The following PDE7A variants were observed in gnomAD, a reference collection of about 807,000 sequenced individuals.
PDE7A encodes the protein phosphodiesterase 7A.
In PDE7A, 39 loss-of-function variants were observed where a neutral mutation model predicts 64.3. The observed-to-expected ratio is 0.61, with a 90% CI of 0.47 to 0.79. PDE7A has a LOEUF of 0.79. PDE7A is among the 30% of genes least tolerant of loss of function. The pLI, the probability that PDE7A is intolerant of heterozygous loss-of-function variation, is 0.00. For missense variants in PDE7A, 470 were observed against 582.8 expected (o/e 0.81, Z 1.99); for synonymous variants, 203 against 206.8 (o/e 0.98, Z 0.16).
intron 11 of PDE7A, among the ~76,000 whole-genome samples, chr8:65,723,915 T>A (rs1806497179): frequency 6.6e-6 from 1 of 152,130 alleles, no homozygotes; most frequent in Non-Finnish European, 1.5e-5. Context: ...GATCCGGGTT[T>A]TAAATTACAC....
intron 3 of PDE7A, among the ~76,000 whole-genome samples, chr8:65,768,167 G>C (rs1808891100): frequency 6.6e-6 from 1 of 152,138 alleles, no homozygotes; most frequent in Non-Finnish European, 1.5e-5. Flanking sequence ...AGAGCAGAGG[G>C]AAAACACAGT....
Position 65,731,977 on chromosome 8 carries a change from A to G in PDE7A, c.696+2817T>C, listed in dbSNP as rs142929444. Among the ~76,000 whole-genome samples, 169 of 151,642 alleles carry G rather than the reference A, an allele frequency of 1.1e-3. 1 individual carries two copies. Among genetic ancestry groups the G allele is most frequent in the Non-Finnish European group, 2.1e-3 (144 of 67,898 alleles). ...CCTGGTCATTCTCTATATTATTATT[A>G]TTATTATTATTGTTGTTGTTGTTGT... On this transcript the variant is annotated intron_variant, in intron 7 of 12. Coordinates refer to ENST00000401827, the MANE Select transcript of PDE7A (RefSeq NM_001242318.3).
chr8:65,828,364 C>T (rs1298727642), intron 1 of PDE7A, among the ~76,000 whole-genome samples: 7 of 152,068 alleles, frequency 4.6e-5, no homozygotes, highest in Non-Finnish European at 8.8e-5. Flanking sequence ...CATTTTGCAA[C>T]TAGTTTTTTT....
intron 3 of PDE7A, among the ~76,000 whole-genome samples, chr8:65,751,018 G>A (rs12542226): frequency 0.1 from 15,492 of 152,110 alleles, 1,796 homozygotes; most frequent in East Asian, 0.5. Flanking sequence ...TAATGATATA[G>A]GACCACCCTT....
intron 5 of PDE7A, among the ~76,000 whole-genome samples, chr8:65,743,040 T>C (rs1380761173): frequency 6.6e-6 from 1 of 152,214 alleles, no homozygotes; most frequent in African/African-American, 2.4e-5. Flanking sequence ...GAGTATGTAC[T>C]TTTTAAAAAT....
chr8:65,810,212 C>G (rs1334016285), intron 1 of PDE7A, among the ~76,000 whole-genome samples: 2 of 152,074 alleles, frequency 1.3e-5, no homozygotes, highest in Non-Finnish European at 2.9e-5. Context: ...ATGGATGAAG[C>G]TGGAAACCAT....
intron 1 of PDE7A, among the ~76,000 whole-genome samples, chr8:65,802,424 T>G (rs887865631): frequency 3.9e-5 from 6 of 152,230 alleles, no homozygotes; most frequent in East Asian, 3.8e-4. Context: ...CTCTCTAGTC[T>G]GAAATTCATG....
intron 1 of PDE7A, among the ~76,000 whole-genome samples, chr8:65,801,952 T>C (rs1369787289): frequency 6.7e-6 from 1 of 150,006 alleles, no homozygotes; most frequent in Admixed American, 6.6e-5. Flanking sequence ...TATAACACTT[T>C]GTTTAAAATA....
chr8:65,816,280 C>T (rs1337001522), intron 1 of PDE7A, among the ~76,000 whole-genome samples: 1 of 152,080 alleles, frequency 6.6e-6, no homozygotes, highest in Non-Finnish European at 1.5e-5. Flanking sequence ...AATCAAAAGG[C>T]AAAGAGGTGA....
intron 1 of PDE7A, among the ~76,000 whole-genome samples, chr8:65,834,798 CAGG>C (rs933043068): frequency 1.1e-4 from 16 of 152,132 alleles, no homozygotes; most frequent in African/African-American, 3.6e-4. Flanking sequence ...AAATTATAAG[CAGG>C]AGATGCTTCA....
intron 6 of PDE7A, among the ~76,000 whole-genome samples, chr8:65,735,436 G>A (rs946604736): frequency 6.6e-6 from 1 of 151,908 alleles, no homozygotes; most frequent in African/African-American, 2.4e-5. Flanking sequence ...AGCCTCCCAA[G>A]TAGTTGGAAC....
intron 1 of PDE7A, among the ~76,000 whole-genome samples, chr8:65,802,016 T>C (rs1223759413): frequency 1.3e-5 from 2 of 152,348 alleles, no homozygotes; most frequent in African/African-American, 2.4e-5. Flanking sequence ...TTGAAGTACA[T>C]GGTACTTCTT....
intron 3 of PDE7A, among the ~76,000 whole-genome samples, chr8:65,778,766 ATC>A (rs1461569114): frequency 1.3e-5 from 2 of 152,232 alleles, no homozygotes; most frequent in African/African-American, 4.8e-5. Context: ...GATGAGTAAC[ATC>A]TCTGTCCTGC....
chr8:65,808,627 G>A (rs1485519822), intron 1 of PDE7A, among the ~76,000 whole-genome samples: 2 of 152,028 alleles, frequency 1.3e-5, no homozygotes, highest in Non-Finnish European at 2.9e-5. Flanking sequence ...TATTATTTTT[G>A]CATGTTCTTT....
At chr8:65,770,181 T>C (rs1809015822) in intron 3 of PDE7A, among the ~76,000 whole-genome samples, 1 of 151,484 alleles carries the variant, frequency 6.6e-6, no homozygotes, top group South Asian at 2.1e-4. Flanking sequence ...TAATTCTTTT[T>C]TCTGAACATT....
At chr8:65,732,878 CT>C (rs1806958043) in intron 7 of PDE7A, among the ~76,000 whole-genome samples, 1 of 151,656 alleles carries the variant, frequency 6.6e-6, no homozygotes, top group Admixed American at 6.6e-5. Context: ...TTCTTTCTAT[CT>C]TTTTTTGAAT....
In PDE7A at chr8:65,719,531, T is replaced by C. The variant is rs751507355; in HGVS notation, c.1244-36A>G. 73 of 1,323,846 alleles carry C rather than the reference T, an allele frequency of 5.5e-5. 4 individuals carry two copies. The South Asian group carries it at 8.5e-4, about 15-fold the overall frequency. The allele number at this position is 1,323,846 out of a possible 1,614,324, so 82.0% of individuals were successfully genotyped here. A position where few individuals can be genotyped will look rare whatever the true frequency, so the allele number is the denominator to read the frequency against. ...TAGGAGAAAAAGTTATTAACATATA[T>C]GCTGAAACTCTATCTTTAAAACATC... On this transcript the variant is annotated intron_variant, in intron 12 of 12. Coordinates refer to ENST00000401827, the MANE Select transcript of PDE7A (RefSeq NM_001242318.3).
intron 1 of PDE7A, among the ~76,000 whole-genome samples, chr8:65,786,596 G>T (rs765601582): frequency 1.3e-5 from 2 of 152,118 alleles, no homozygotes; most frequent in East Asian, 1.9e-4. Context: ...ATGTAAAAAA[G>T]ATTTCTTTAA....
intron 6 of PDE7A, among the ~76,000 whole-genome samples, chr8:65,735,433 C>G (rs1807087305): frequency 6.6e-6 from 1 of 151,944 alleles, no homozygotes; most frequent in South Asian, 2.1e-4. Flanking sequence ...CTCAGCCTCC[C>G]AAGTAGTTGG....
Sources: allele counts gnomAD v4.1 joint callset (sites outside exome capture counted in the v4.1 genomes callset), GRCh38; gene constraint gnomAD v4.1.1; transcripts MANE v1.5; gene names NCBI Gene and HGNC (gene_info 2026-07-23, HGNC 2026-07-21).